The following PSD3 variants were observed in gnomAD, a reference collection of about 807,000 sequenced individuals.
PSD3 encodes the protein PH and SEC7 domain-containing protein 3.
Under a neutral mutation model 105.5 loss-of-function variants are expected in PSD3, and 49 were observed. That is an observed-to-expected ratio of 0.46 (90% CI 0.37 to 0.59). PSD3 has a LOEUF of 0.59. Among genes scored for constraint, PSD3 ranks in the 20% least tolerant of loss-of-function variants. The pLI is 0.00. For synonymous variants in PSD3, 557 were observed against 457.8 expected, an observed-to-expected ratio of 1.22 and a Z score of -2.77; for missense variants, 1,561 against 1,263.8, an observed-to-expected ratio of 1.24 and a Z score of -3.57.
At chr8:18,967,309 C>T (rs1322247262) in intron 1 of PSD3, among the ~76,000 whole-genome samples, 3 of 152,118 alleles carry the variant, frequency 2.0e-5, no homozygotes, top group Non-Finnish European at 4.4e-5. Flanking sequence ...GTGTGCACCA[C>T]CATGCCCGGC....
Position 18,751,082 on chromosome 8 carries a change from G to C in PSD3, c.2172+14367C>G, listed in dbSNP as rs543824237. 1.3e-3 allele frequency among the ~76,000 whole-genome samples: 200 copies of C among 152,256 alleles called. 1 individual carries two copies. Among genetic ancestry groups the C allele is most frequent in the Non-Finnish European group, 1.7e-3 (116 of 68,022 alleles). ...TGGGCAGTTGATGGACCTGGGCGCCGTGCAGCAGGGGGCGGTGCTCTTCGG... is the reference window on the plus strand; with the variant it reads ...TGGGCAGTTGATGGACCTGGGCGCCCTGCAGCAGGGGGCGGTGCTCTTCGG... On this transcript the variant is annotated intron_variant, in intron 9 of 15. Coordinates refer to ENST00000327040, the MANE Select transcript of PSD3 (RefSeq NM_015310.4).
chr8:18,529,599 T>G lies in PSD3; in HGVS notation c.*6144A>C, dbSNP rs1433663665. On this transcript the variant is annotated 3_prime_UTR_variant, in exon 16 of 16. Coordinates refer to ENST00000327040, the MANE Select transcript of PSD3 (RefSeq NM_015310.4). ...CCCCTAAGCTTCAATTTGGTCTAAT[T>G]ACTCTTGTTCCTACAGTTTTACAAA... 1 of 152,626 alleles carries G rather than the reference T, an allele frequency of 6.6e-6. No individual in the cohort carries two copies. Among genetic ancestry groups the G allele is most frequent in the African/African-American group, 2.4e-5 (1 of 41,464 alleles). The allele number at this position is 152,626 out of a possible 1,614,324, so 9.5% of individuals were successfully genotyped here.
intron 2 of PSD3, among the ~76,000 whole-genome samples, chr8:18,909,656 G>T (rs1267693781): frequency 2.0e-5 from 3 of 151,840 alleles, no homozygotes; most frequent in Admixed American, 2.0e-4. Flanking sequence ...GCTAATTTTT[G>T]TATTTTTAGT....
chr8:18,757,799 C>T (rs539255653), intron 9 of PSD3, among the ~76,000 whole-genome samples: 16 of 152,234 alleles, frequency 1.1e-4, no homozygotes, highest in Admixed American at 8.5e-4. Context: ...TTCTTCAAAA[C>T]AATTCCCATT....
At chr8:18,889,866 A>G (rs973672660) in intron 2 of PSD3, among the ~76,000 whole-genome samples, 2 of 152,248 alleles carry the variant, frequency 1.3e-5, no homozygotes, top group African/African-American at 4.8e-5. Context: ...TTTCAAATGC[A>G]CAATGTATTT....
intron 12 of PSD3, among the ~76,000 whole-genome samples, chr8:18,579,481 C>A (rs748744459): frequency 6.6e-6 from 1 of 152,148 alleles, no homozygotes; most frequent in Non-Finnish European, 1.5e-5. Context: ...GTTACTCTCT[C>A]GTGTTCCCTG....
intron 7 of PSD3, among the ~76,000 whole-genome samples, chr8:18,799,918 G>A (rs2632851): frequency 0.2 from 29,768 of 151,992 alleles, 3,074 homozygotes; most frequent in South Asian, 0.31. Context: ...TTCAATTTAC[G>A]CTAAATTAGA....
At chr8:18,676,366 G>A (rs765230284) in intron 9 of PSD3, among the ~76,000 whole-genome samples, 59 of 152,084 alleles carry the variant, frequency 3.9e-4, no homozygotes, top group Non-Finnish European at 4.9e-4. Flanking sequence ...AGTGGGACGC[G>A]GCTTCTCCTT....
At position 18,640,164 on chromosome 8, in the gene PSD3, T is replaced by C. The variant is rs577304945; in HGVS notation, c.2217-7358A>G. Among the ~76,000 whole-genome samples the C allele has an allele frequency of 1.1e-4, 16 of 152,258 alleles. 1 individual carries two copies. The South Asian group carries it at 2.1e-3, about 20-fold the overall frequency. On this transcript the variant is annotated intron_variant, in intron 10 of 15. Transcript: ENST00000327040. ...GTAGAACTCCGTTGATATAGACCAA[T>C]ACAAAACCACAACAAAAGATCAGGA...
intron 2 of PSD3, among the ~76,000 whole-genome samples, chr8:18,886,421 C>T (rs1362568661): frequency 1.3e-5 from 2 of 152,246 alleles, no homozygotes; most frequent in East Asian, 3.9e-4. Context: ...AAAATGCTCT[C>T]CTCTATGTCT....
chr8:18,566,262 C>A (rs888693546), intron 14 of PSD3, among the ~76,000 whole-genome samples: 5 of 152,108 alleles, frequency 3.3e-5, no homozygotes. Context: ...GGGTGGCTCA[C>A]GCCTGTAATT....
At chr8:19,078,740 T>A (rs17127791) in intron 1 of PSD3, among the ~76,000 whole-genome samples, 15 of 151,390 alleles carry the variant, frequency 9.9e-5, no homozygotes, top group Admixed American at 3.3e-4. Flanking sequence ...GATGCAGGCC[T>A]AAGAGAATTC....
intron 2 of PSD3, among the ~76,000 whole-genome samples, chr8:18,898,206 A>G (rs1819278462): frequency 6.6e-6 from 1 of 152,154 alleles, no homozygotes; most frequent in Non-Finnish European, 1.5e-5. Flanking sequence ...AGGGGTGTTT[A>G]AGTGCCCAAC....
chr8:18,952,752 C>T (rs1823319508), intron 1 of PSD3, among the ~76,000 whole-genome samples: 1 of 152,166 alleles, frequency 6.6e-6, no homozygotes, highest in South Asian at 2.1e-4. Flanking sequence ...CAATTAAATA[C>T]ACTTTATTCA....
intron 11 of PSD3, among the ~76,000 whole-genome samples, chr8:18,627,709 C>G (rs910450901): frequency 6.6e-6 from 1 of 151,656 alleles, no homozygotes; most frequent in Non-Finnish European, 1.5e-5. Flanking sequence ...GGAGAAAATC[C>G]AGTGTTTTTT....
intron 1 of PSD3, among the ~76,000 whole-genome samples, chr8:19,065,929 C>G (rs1365675616): frequency 1.3e-5 from 2 of 152,186 alleles, no homozygotes; most frequent in Non-Finnish European, 2.9e-5. Flanking sequence ...CTGAAGCTAC[C>G]AGCCATGAAT....
At chr8:18,544,171 C>CAAAAAAAAAAAAAAAAAAAAAAAAAAAAA (rs201016537) in intron 15 of PSD3, among the ~76,000 whole-genome samples, 17 of 106,712 alleles carry the variant, frequency 1.6e-4, no homozygotes, top group African/African-American at 4.0e-4. Context: ...AGAAACAAAC[C>CAAAAAAAAAAAAAAAAAAAAAAAAAAAAA]AAAAAAAAAA....
intron 14 of PSD3, among the ~76,000 whole-genome samples, 154 bp from the exon 15 acceptor site, chr8:18,556,506 G>A (rs955536074): frequency 5.3e-5 from 8 of 152,060 alleles, no homozygotes; most frequent in Non-Finnish European, 1.0e-4. Flanking sequence ...GCTTTCTCAC[G>A]CCCCTGTCCA....
At chr8:18,756,563 T>C (rs1806057142) in intron 9 of PSD3, among the ~76,000 whole-genome samples, 2 of 152,112 alleles carry the variant, frequency 1.3e-5, no homozygotes, top group South Asian at 2.1e-4. Flanking sequence ...GTTAAGAAAA[T>C]GCCCAGCACT....
Sources: allele counts gnomAD v4.1 joint callset (sites outside exome capture counted in the v4.1 genomes callset), GRCh38; gene constraint gnomAD v4.1.1; transcripts MANE v1.5; gene names NCBI Gene and HGNC (gene_info 2026-07-23, HGNC 2026-07-21).